MAP7: variants seen among roughly 807,000 people sequenced by gnomAD.
The protein encoded by MAP7 is ensconsin.
In MAP7, 52 loss-of-function variants were observed where a neutral mutation model predicts 94.8. The observed-to-expected ratio is 0.55, with a 90% confidence interval of 0.44 to 0.69. The LOEUF (loss-of-function observed/expected upper bound fraction) is 0.69, where lower values mean the gene tolerates loss of function less well. MAP7 is among the 30% of genes least tolerant of loss of function. MAP7 has a pLI of 0.00. For missense variants in MAP7, 940 were observed against 964.6 expected, an observed-to-expected ratio of 0.97 and a Z score of 0.34; for synonymous variants, 350 against 357.0, an observed-to-expected ratio of 0.98 and a Z score of 0.22.
chr6:136,425,905 T>A (rs910110785), intron 1 of MAP7, among the ~76,000 whole-genome samples: 2 of 152,206 alleles, frequency 1.3e-5, no homozygotes, highest in African/African-American at 4.8e-5. Context: ...AACAGTACAC[T>A]ACTCCATGGG....
chr6:136,385,421 A>C (rs371588623), intron 5 of MAP7, among the ~76,000 whole-genome samples: 65 of 152,354 alleles, frequency 4.3e-4, no homozygotes, highest in African/African-American at 1.5e-3. Flanking sequence ...GGAATACGAA[A>C]GTCATTTCCA....
intron 1 of MAP7, among the ~76,000 whole-genome samples, chr6:136,549,380 A>ATT (rs1364795383): frequency 6.6e-6 from 1 of 152,194 alleles, no homozygotes; most frequent in East Asian, 1.9e-4. Context: ...CTGGCCAAGA[A>ATT]TAGAAGAGGG....
At chr6:136,541,639 A>G (rs756241988) in intron 1 of MAP7, among the ~76,000 whole-genome samples, 7 of 152,208 alleles carry the variant, frequency 4.6e-5, no homozygotes, top group Non-Finnish European at 8.8e-5. Context: ...CAGGTGTGTC[A>G]ATCCTCCTTG....
At chr6:136,545,676 T>C (rs1829675929) in intron 1 of MAP7, among the ~76,000 whole-genome samples, 1 of 152,236 alleles carries the variant, frequency 6.6e-6, no homozygotes, top group African/African-American at 2.4e-5. Flanking sequence ...CCTGCATCTT[T>C]TTCTCCCTTT....
intron 1 of MAP7, among the ~76,000 whole-genome samples, chr6:136,493,391 G>A (rs1425265361): frequency 1.3e-5 from 2 of 151,818 alleles, no homozygotes; most frequent in African/African-American, 4.8e-5. Context: ...CCAAAGTGCT[G>A]GGATTACAGC....
At chr6:136,417,827 T>C (rs1286753237) in intron 2 of MAP7, among the ~76,000 whole-genome samples, 1 of 152,160 alleles carries the variant, frequency 6.6e-6, no homozygotes, top group Non-Finnish European at 1.5e-5. Context: ...CACTCCTCTA[T>C]GAGGGCAAAT....
In MAP7 at chr6:136,532,889, C is replaced by T. The variant is rs180888068; in HGVS notation, c.67+17453G>A. Among the ~76,000 whole-genome samples the T allele has an allele frequency of 4.6e-5, 7 of 152,358 alleles. No homozygotes were observed. The East Asian group carries it at 5.8e-4, about 13-fold the overall frequency. ...CTTAAATGCTAAATCACAGAAACAA[C>T]TGAACCTTCTCCAGGTGTTTGGGTT... On this transcript the variant is annotated intron_variant, in intron 1 of 17. Coordinates refer to ENST00000354570, the MANE Select transcript of MAP7 (RefSeq NM_003980.6).
chr6:136,439,457 T>C (rs1797241100), intron 1 of MAP7, among the ~76,000 whole-genome samples: 2 of 152,202 alleles, frequency 1.3e-5, no homozygotes, highest in Non-Finnish European at 2.9e-5. Flanking sequence ...TTACATTATC[T>C]AGTCTCAGGT....
At position 136,364,520 on chromosome 6, in the gene MAP7, ACT is replaced by A. The variant is rs1169145844; in HGVS notation, c.1273+1213_1273+1214del. The A allele has an allele frequency of 5.3e-5, 13 of 246,658 alleles. No individual in the cohort carries two copies. The South Asian group carries it at 5.9e-4, about 11-fold the overall frequency. 15.3% of individuals were successfully genotyped at this position (246,658 alleles called of 1,614,324 possible). Reference sequence around the variant, plus strand: ...AACTCTTAAAAAAAATTCTTTGAAAACTCTCTCTTCAAAAGTTGGAGACTATG... The same window carrying A: ...AACTCTTAAAAAAAATTCTTTGAAAACTCTCTTCAAAAGTTGGAGACTATG... On this transcript the variant is annotated intron_variant, in intron 10 of 17. Coordinates refer to ENST00000354570, the MANE Select transcript of MAP7 (RefSeq NM_003980.6).
In MAP7 at chr6:136,362,660, G is replaced by T; in HGVS notation, c.1316C>A (p.Pro439Gln). Residue 439 changes from proline (P) to glutamine (Q), a missense_variant, in exon 11 of 18, where the codon CCA becomes CAA. Pro to Gln is a moderately conservative substitution (Grantham distance 76, BLOSUM62 -1). Transcript: ENST00000354570. ...CGGGGCTGGAGCTGGGGCCGAGGCT[G>T]GAGCTGGGGCCGAGGCTGGAGCTGG... Reference protein sequence around the residue: ...MAPAPASAPAPASAPAPAPVP... With the variant: ...MAPAPASAPAQASAPAPAPVP... The T allele has an allele frequency of 6.2e-7, 1 of 1,608,926 alleles. No homozygotes were observed.
chr6:136,347,663 C>T (rs1788061986), intron 16 of MAP7, among the ~76,000 whole-genome samples: 1 of 152,172 alleles, frequency 6.6e-6, no homozygotes, highest in African/African-American at 2.4e-5. Context: ...CCATCGGCCT[C>T]CCAAAGTGCT....
chr6:136,474,781 C>A (rs1304866356), intron 1 of MAP7, among the ~76,000 whole-genome samples: 1 of 151,484 alleles, frequency 6.6e-6, no homozygotes, highest in Non-Finnish European at 1.5e-5. Context: ...TGCAATGGCA[C>A]GATCTCAGCT....
Position 136,389,481 on chromosome 6 carries a change from C to T in MAP7, c.281G>A (p.Arg94Gln), listed in dbSNP as rs150235721. 45 of 1,609,832 alleles carry T rather than the reference C, an allele frequency of 2.8e-5. No homozygotes were observed. Among genetic ancestry groups the T allele is most frequent in the Non-Finnish European group, 3.6e-5 (43 of 1,179,038 alleles). Reference sequence around the variant, plus strand: ...GTGCTTCTCGTAGTGCTGCCTGGCTCGCTCTTCTCTTTCTAACCACACTAT... The same window carrying T: ...GTGCTTCTCGTAGTGCTGCCTGGCTTGCTCTTCTCTTTCTAACCACACTAT... ...REIVWLEREE[R>Q]ARQHYEKHLE... The change falls in exon 4 of 18, where the codon CGA (arginine) becomes CAA (glutamine). Residue 94 changes from arginine to glutamine, a missense_variant. Coordinates refer to ENST00000354570, the MANE Select transcript of MAP7 (RefSeq NM_003980.6).
chr6:136,468,167 T>C (rs1807743295), intron 1 of MAP7, among the ~76,000 whole-genome samples: 1 of 152,202 alleles, frequency 6.6e-6, no homozygotes, highest in African/African-American at 2.4e-5. Flanking sequence ...CTTGCGTGCA[T>C]GGCTCCTTAC....
rs1792631592 is a variant in MAP7, at chr6:136,361,135, G to A, written c.1571C>T (p.Thr524Met). The change falls in exon 12 of 18, where the codon ACG becomes ATG. Residue 524 changes from threonine (T) to methionine (M), a missense_variant. Transcript: ENST00000354570. ...GCGCGACTCCTCCTCACGGCGAGTC[G>A]TCCTCTCTTCAGCCACACGTTGAGC... is the stretch of plus-strand genomic sequence containing the variant. The part of the protein sequence containing the change: ...ELAQRVAEER[T>M]TRREEESRRL... The A allele has an allele frequency of 1.9e-6, 3 of 1,605,134 alleles. No individual in the cohort carries two copies. Among genetic ancestry groups the A allele is most frequent in the South Asian group, 2.2e-5 (2 of 91,072 alleles).
chr6:136,437,193 C>T (rs1276075748), intron 1 of MAP7, among the ~76,000 whole-genome samples: 1 of 152,238 alleles, frequency 6.6e-6, no homozygotes, highest in Non-Finnish European at 1.5e-5. Flanking sequence ...AGGAAGTGTT[C>T]TTCCACCCTT....
intron 1 of MAP7, among the ~76,000 whole-genome samples, chr6:136,514,099 C>T (rs372998246): frequency 4.6e-5 from 7 of 152,308 alleles, no homozygotes; most frequent in East Asian, 3.9e-4. Context: ...TTCTTAATGG[C>T]ATCTGCAATG....
chr6:136,444,377 T>A (rs1176999590), intron 1 of MAP7, among the ~76,000 whole-genome samples: 1 of 152,256 alleles, frequency 6.6e-6, no homozygotes, highest in Non-Finnish European at 1.5e-5. Context: ...GCTACTTTAC[T>A]GCTTTGCTGT....
At chr6:136,431,886 T>C (rs1252946881) in intron 1 of MAP7, among the ~76,000 whole-genome samples, 1 of 152,176 alleles carries the variant, frequency 6.6e-6, no homozygotes, top group Non-Finnish European at 1.5e-5. Context: ...CTTTGAAGAC[T>C]GAAGTGGTTA....
Sources: allele counts gnomAD v4.1 joint callset (sites outside exome capture counted in the v4.1 genomes callset), GRCh38; gene constraint gnomAD v4.1.1; transcripts MANE v1.5; gene names NCBI Gene and HGNC (gene_info 2026-07-23, HGNC 2026-07-21).